Variants in MSH4 observed in about 807,000 individuals in gnomAD.
MSH4 encodes mutS homolog 4, also known as mutS protein homolog 4.
A neutral mutation model predicts 113.7 loss-of-function variants in MSH4; 106 were observed. That is an observed-to-expected ratio of 0.93 (90% CI 0.80 to 1.10). The LOEUF is 1.10. MSH4 is among the 50% of genes least tolerant of loss of function. The pLI is 0.00. For synonymous variants in MSH4, 368 were observed against 380.2 expected (o/e 0.97, Z 0.37); for missense variants, 1,061 against 1,093.7 (o/e 0.97, Z 0.42).
At chr1:75,902,549 G>A (rs1170740599) in intron 19 of MSH4, among the ~76,000 whole-genome samples, 1 of 151,010 alleles carries the variant, frequency 6.6e-6, no homozygotes, top group Non-Finnish European at 1.5e-5. Flanking sequence ...CTTGTTTATG[G>A]CTATTAGTAT....
intron 1 of MSH4, among the ~76,000 whole-genome samples, chr1:75,801,120 A>G (rs1233576403): frequency 6.6e-6 from 1 of 152,238 alleles, no homozygotes. Context: ...ATATGTAGAA[A>G]TAAAGCCATT....
At chr1:75,908,716 G>A (rs542304000) in intron 19 of MSH4, among the ~76,000 whole-genome samples, 14 of 152,176 alleles carry the variant, frequency 9.2e-5, no homozygotes, top group Admixed American at 2.6e-4. Context: ...TCGCTTGTTG[G>A]ACTTTCTAGG....
intron 8 of MSH4, among the ~76,000 whole-genome samples, chr1:75,850,209 A>G (rs759638409): frequency 1.3e-5 from 2 of 151,918 alleles, no homozygotes; most frequent in African/African-American, 2.4e-5. Context: ...CTCTGTGCCT[A>G]CTGTTCTTTT....
Position 75,822,389 on chromosome 1 carries a change from C to T in MSH4, c.990-20C>T. 3 of 1,482,906 alleles carry T rather than the reference C, an allele frequency of 2.0e-6. No homozygotes were observed. In the South Asian group the frequency reaches 3.9e-5, roughly 19 times the overall value. The allele number at this position is 1,482,906 out of a possible 1,614,324, so 91.9% of individuals were successfully genotyped here. On this transcript the variant is annotated intron_variant, in intron 6 of 19. Coordinates refer to ENST00000263187, the MANE Select transcript of MSH4 (RefSeq NM_002440.4). ...GCGTTTTTCTTTGTATTCTTACTGA[C>T]ATTTCTTGTGTTTTGAAAGGAATAA...
chr1:75,801,082 A>G (rs754555619), intron 1 of MSH4, among the ~76,000 whole-genome samples: 26 of 152,226 alleles, frequency 1.7e-4, no homozygotes, highest in Non-Finnish European at 3.4e-4. Context: ...ATTTTGTGAT[A>G]TTAAAATTAT....
chr1:75,814,884 C>G (rs989352271), intron 4 of MSH4, 137 bp from the exon 5 acceptor site: 6 of 611,066 alleles, frequency 9.8e-6, no homozygotes, highest in Non-Finnish European at 1.7e-5. Context: ...ATAGAAATAA[C>G]TAAGAAAAGT....
intron 6 of MSH4, among the ~76,000 whole-genome samples, chr1:75,819,063 G>A (rs1386798033): frequency 2.6e-5 from 4 of 152,022 alleles, no homozygotes; most frequent in Non-Finnish European, 5.9e-5. Context: ...ACCGTGCCCG[G>A]CCTGTTTTTG....
At chr1:75,807,597 G>T (rs923266788) in intron 3 of MSH4, among the ~76,000 whole-genome samples, 2 of 152,124 alleles carry the variant, frequency 1.3e-5, no homozygotes, top group Non-Finnish European at 2.9e-5. Context: ...CAAGATAGTT[G>T]CATCATGTTA....
chr1:75,801,564 A>C (rs1649935143), intron 1 of MSH4, among the ~76,000 whole-genome samples: 1 of 133,380 alleles, frequency 7.5e-6, no homozygotes. Context: ...GTGAAACTCC[A>C]TCTCAAAAAA....
chr1:75,823,613 C>G (rs1200270830), intron 7 of MSH4, among the ~76,000 whole-genome samples: 1 of 152,098 alleles, frequency 6.6e-6, no homozygotes, highest in Admixed American at 6.6e-5. Context: ...TGTCCTAATG[C>G]TCTCCCTCCC....
intron 7 of MSH4, among the ~76,000 whole-genome samples, chr1:75,841,024 C>T (rs763695753): frequency 6.6e-6 from 1 of 151,830 alleles, no homozygotes; most frequent in Non-Finnish European, 1.5e-5. Context: ...CAGTGATATT[C>T]GAGATGAAGG....
intron 15 of MSH4, among the ~76,000 whole-genome samples, chr1:75,885,444 CATATATATATATAT>C (rs60096542): frequency 3.6e-5 from 4 of 109,976 alleles, no homozygotes; most frequent in African/African-American, 1.4e-4. Context: ...TGTGTATATA[CATATATATATATAT>C]ATGTATATAT....
chr1:75,860,649 G>T (rs898399090), intron 8 of MSH4, among the ~76,000 whole-genome samples: 2 of 152,212 alleles, frequency 1.3e-5, no homozygotes, highest in African/African-American at 4.8e-5. Flanking sequence ...AGTCTGATGG[G>T]CTTCCCTTTG....
chr1:75,911,201 T>C (rs1652779793), intron 19 of MSH4, among the ~76,000 whole-genome samples: 1 of 152,000 alleles, frequency 6.6e-6, no homozygotes, highest in African/African-American at 2.4e-5. Flanking sequence ...TGCTTCATGA[T>C]TTTCCTTTGT....
chr1:75,852,359 T>C (rs915773229), intron 8 of MSH4, among the ~76,000 whole-genome samples: 2 of 152,236 alleles, frequency 1.3e-5, no homozygotes, highest in African/African-American at 4.8e-5. Context: ...CAGGTTTTTC[T>C]AGGGACATAC....
At chr1:75,848,732 T>C (rs1323455697) in intron 8 of MSH4, among the ~76,000 whole-genome samples, 1 of 151,932 alleles carries the variant, frequency 6.6e-6, no homozygotes, top group East Asian at 1.9e-4. Flanking sequence ...TAGTGAGGCC[T>C]TGTCACAAAA....
chr1:75,893,341 C>G (rs780183823), intron 17 of MSH4, among the ~76,000 whole-genome samples: 1 of 152,120 alleles, frequency 6.6e-6, no homozygotes. Context: ...GCCAGAATTA[C>G]AACACAAGTT....
intron 19 of MSH4, among the ~76,000 whole-genome samples, chr1:75,902,552 A>G (rs1652527098): frequency 6.6e-6 from 1 of 150,926 alleles, no homozygotes. Flanking sequence ...GTTTATGGCT[A>G]TTAGTATTCC....
chr1:75,902,588 T>C (rs1051203998), intron 19 of MSH4, among the ~76,000 whole-genome samples: 2 of 149,968 alleles, frequency 1.3e-5, no homozygotes, highest in Non-Finnish European at 3.0e-5. Flanking sequence ...CAGTCAACTA[T>C]TGGTGGGTGT....
Sources: allele counts gnomAD v4.1 joint callset (sites outside exome capture counted in the v4.1 genomes callset), GRCh38; gene constraint gnomAD v4.1.1; transcripts MANE v1.5; gene names NCBI Gene and HGNC (gene_info 2026-07-23, HGNC 2026-07-21).